PDPN: variants seen among roughly 807,000 people sequenced by gnomAD.
PDPN encodes PA2.26 antigen.
A neutral mutation model predicts 23.2 loss-of-function variants in PDPN; 12 were observed. The observed-to-expected ratio is 0.52, with a 90% CI of 0.33 to 0.84. The LOEUF is 0.84. Ranked by LOEUF, PDPN falls within the 40% of genes least tolerant of loss-of-function variation. The pLI, the probability that PDPN is intolerant of heterozygous loss-of-function variation, is 0.02. For synonymous variants in PDPN, 77 were observed against 76.7 expected (o/e 1.00, Z -0.02); for missense variants, 199 against 212.2 (o/e 0.94, Z 0.39).
At chr1:13,587,031 C>T (rs908595164) in intron 1 of PDPN, among the ~76,000 whole-genome samples, 11 of 152,324 alleles carry the variant, frequency 7.2e-5, no homozygotes, top group African/African-American at 2.4e-4. Context: ...AGCCTGGCAA[C>T]AGAGCGAGAC....
intron 1 of PDPN, among the ~76,000 whole-genome samples, chr1:13,597,917 G>A (rs1208255044): frequency 1.3e-5 from 2 of 152,082 alleles, no homozygotes; most frequent in African/African-American, 4.8e-5. Context: ...CGAGGCTGCA[G>A]TGAGCCAAGA....
chr1:13,603,988 A>G (rs907686720), intron 1 of PDPN, among the ~76,000 whole-genome samples: 1 of 152,212 alleles, frequency 6.6e-6, no homozygotes, highest in Non-Finnish European at 1.5e-5. Context: ...TGTTTGGCTG[A>G]GGCTGGGTGT....
At chr1:13,605,479 A>AT (rs1380452663) in intron 1 of PDPN, among the ~76,000 whole-genome samples, 2 of 152,318 alleles carry the variant, frequency 1.3e-5, no homozygotes, top group East Asian at 1.9e-4. Flanking sequence ...TTGTTTGGTG[A>AT]TTTTTGGAGA....
At chr1:13,592,630 A>T (rs1349058995) in intron 1 of PDPN, among the ~76,000 whole-genome samples, 1 of 147,046 alleles carries the variant, frequency 6.8e-6, no homozygotes, top group African/African-American at 2.5e-5. Context: ...GCTCACCGCA[A>T]CCTCCGCTTC....
At chr1:13,585,832 T>C (rs929046311) in intron 1 of PDPN, among the ~76,000 whole-genome samples, 3 of 152,162 alleles carry the variant, frequency 2.0e-5, no homozygotes, top group Admixed American at 1.3e-4. Context: ...TATGGATGAA[T>C]AACATCATTG....
At chr1:13,613,004 A>G (rs1640974746) in intron 3 of PDPN, among the ~76,000 whole-genome samples, 1 of 152,136 alleles carries the variant, frequency 6.6e-6, no homozygotes, top group Admixed American at 6.5e-5. Flanking sequence ...TTTTATTTTT[A>G]AATAGGTTAT....
intron 2 of PDPN, among the ~76,000 whole-genome samples, 196 bp from the exon 3 acceptor site, chr1:13,610,191 A>G (rs559197052): frequency 6.6e-5 from 10 of 152,240 alleles, no homozygotes; most frequent in Non-Finnish European, 1.5e-4. Flanking sequence ...GCTGTTGTGA[A>G]TAATGCTGCT....
At chr1:13,597,638 G>T (rs1389339094) in intron 1 of PDPN, among the ~76,000 whole-genome samples, 2 of 152,082 alleles carry the variant, frequency 1.3e-5, no homozygotes, top group African/African-American at 4.8e-5. Flanking sequence ...GCATCGCAAA[G>T]GGGCAGCCTT....
chr1:13,611,225 A>C (rs1458499463), intron 3 of PDPN, among the ~76,000 whole-genome samples: 3 of 142,068 alleles, frequency 2.1e-5, no homozygotes, highest in Non-Finnish European at 1.5e-5. Flanking sequence ...CGTCTCAAAA[A>C]AAAAAACAAA....
chr1:13,607,061 A>G lies in PDPN; in HGVS notation c.68-112A>G, dbSNP rs997919721. Reference sequence around the variant, plus strand: ...TAAGCCACAAAAAGGACCAAAAATAAAACAAAAATTTCCAAAAGAAATGGA... The same window carrying G: ...TAAGCCACAAAAAGGACCAAAAATAGAACAAAAATTTCCAAAAGAAATGGA... On this transcript the variant is annotated intron_variant, in intron 1 of 5. Transcript: ENST00000621990. 6 of 1,305,056 alleles carry G rather than the reference A, an allele frequency of 4.6e-6. No homozygotes were observed. In the African/African-American group the frequency reaches 5.9e-5, roughly 13 times the overall value. The allele number at this position is 1,305,056 out of a possible 1,614,324, so 80.8% of individuals were successfully genotyped here.
rs1640652422 is a variant in PDPN, at chr1:13,601,978, CCTTTGGGTGGCTCATGCCTTTG to C, written c.68-5194_68-5173del. On this transcript the variant is annotated intron_variant, in intron 1 of 5. Transcript: ENST00000621990. Reference sequence around the variant, plus strand: ...TGTAGGCCGGGTGCGGTGGCTCATGCCTTTGGGTGGCTCATGCCTTTGGGTGGCTCATGCCTTTGGGTGGCTC... The same window carrying C: ...TGTAGGCCGGGTGCGGTGGCTCATGCGGTGGCTCATGCCTTTGGGTGGCTC... Among the ~76,000 whole-genome samples, 198 of 48,388 alleles carry C rather than the reference CCTTTGGGTGGCTCATGCCTTTG, an allele frequency of 4.1e-3. 1 individual carries two copies. Among genetic ancestry groups the C allele is most frequent in the African/African-American group, 0.025 (186 of 7,464 alleles). 31.7% of individuals were successfully genotyped at this position (48,388 alleles called of 152,430 possible).
intron 1 of PDPN, among the ~76,000 whole-genome samples, chr1:13,605,314 CAAAG>C (rs1640754965): frequency 6.6e-6 from 1 of 152,176 alleles, no homozygotes. Flanking sequence ...TTTCATTACA[CAAAG>C]AAATTTCCAA....
rs1422200058 is a variant in PDPN, at chr1:13,616,072, G to A, written c.*161G>A. On this transcript the variant is annotated 3_prime_UTR_variant, in exon 6 of 6. Transcript: ENST00000621990. ...TCTCCGCTTGCCAAAATAACCGAAG[G>A]AAAGACCGTTCACCAGACTTGGCTC... 2 of 670,294 alleles carry A rather than the reference G, an allele frequency of 3.0e-6. No homozygotes were observed. The highest frequency in any genetic ancestry group is 5.4e-6 in the Non-Finnish European group (2 of 373,372). The allele number at this position is 670,294 out of a possible 1,614,324, so 41.5% of individuals were successfully genotyped here.
chr1:13,599,403 T>TC (rs1640584667), intron 1 of PDPN, among the ~76,000 whole-genome samples: 1 of 108,158 alleles, frequency 9.2e-6, no homozygotes, highest in African/African-American at 3.8e-5. Context: ...TTTTTTTTTT[T>TC]CAGACAGAGC....
chr1:13,590,932 T>C (rs921857310), intron 1 of PDPN, among the ~76,000 whole-genome samples: 1 of 151,934 alleles, frequency 6.6e-6, no homozygotes, highest in African/African-American at 2.4e-5. Flanking sequence ...AAAGCGAGAA[T>C]GAGACCAAAT....
intron 1 of PDPN, among the ~76,000 whole-genome samples, chr1:13,602,614 G>T (rs1438220557): frequency 6.6e-6 from 1 of 152,170 alleles, no homozygotes; most frequent in Non-Finnish European, 1.5e-5. Context: ...CCAGGCTGGA[G>T]TGCAATGGTT....
intron 1 of PDPN, among the ~76,000 whole-genome samples, chr1:13,605,890 G>A (rs961501531): frequency 6.6e-6 from 1 of 152,094 alleles, no homozygotes; most frequent in South Asian, 2.1e-4. Context: ...TAAAGTGCTG[G>A]GGTTACAGGC....
At chr1:13,585,285 G>A (rs1640144998) in intron 1 of PDPN, among the ~76,000 whole-genome samples, 1 of 152,144 alleles carries the variant, frequency 6.6e-6, no homozygotes, top group African/African-American at 2.4e-5. Flanking sequence ...GGTCCACACA[G>A]ACAAAAATAC....
chr1:13,597,524 G>T (rs530603433), intron 1 of PDPN, among the ~76,000 whole-genome samples: 254 of 152,298 alleles, frequency 1.7e-3, no homozygotes, highest in Non-Finnish European at 3.1e-3. Context: ...AGAAATAGGA[G>T]TGGAAGAAAC....
Sources: allele counts gnomAD v4.1 joint callset (sites outside exome capture counted in the v4.1 genomes callset), GRCh38; gene constraint gnomAD v4.1.1; transcripts MANE v1.5; gene names NCBI Gene and HGNC (gene_info 2026-07-23, HGNC 2026-07-21).